The following SLC23A2 variants were observed in gnomAD, a reference collection of about 807,000 sequenced individuals.
The protein encoded by SLC23A2 is Na(+)/L-ascorbic acid transporter 2.
In SLC23A2, 36 loss-of-function variants were observed where a neutral mutation model predicts 73.3. That is an observed-to-expected ratio of 0.49 (90% CI 0.38 to 0.65). SLC23A2 has a LOEUF of 0.65. Ranked by LOEUF, SLC23A2 falls within the 30% of genes least tolerant of loss-of-function variation. The pLI is 0.00. For synonymous variants in SLC23A2, 343 were observed against 327.3 expected (o/e 1.05, Z -0.52); for missense variants, 507 against 841.6 (o/e 0.60, Z 4.92).
intron 2 of SLC23A2, among the ~76,000 whole-genome samples, chr20:4,950,162 T>G (rs1188866433): frequency 6.6e-6 from 1 of 152,200 alleles, no homozygotes; most frequent in African/African-American, 2.4e-5. Context: ...GATAGTCTAT[T>G]GTAGAAACCA....
chr20:5,002,967 G>C (rs1299655), upstream of SLC23A2, among the ~76,000 whole-genome samples: 106,198 of 152,120 alleles, frequency 0.7, 37,751 homozygotes, highest in Middle Eastern at 0.78. Context: ...ACTGAGACCT[G>C]TCTCAGATAT....
chr20:4,858,460 A>G (rs1929824120), intron 16 of SLC23A2, among the ~76,000 whole-genome samples: 1 of 152,180 alleles, frequency 6.6e-6, no homozygotes, highest in Admixed American at 6.5e-5. Flanking sequence ...TCTTAAATCC[A>G]GTGCCTTCCA....
chr20:5,003,326 G>C (rs2088153591), upstream of SLC23A2, among the ~76,000 whole-genome samples: 1 of 152,106 alleles, frequency 6.6e-6, no homozygotes, highest in Non-Finnish European at 1.5e-5. Flanking sequence ...GGAGCTTGCA[G>C]TGAGCCGAGA....
At chr20:4,912,731 G>T in intron 4 of SLC23A2, 149 bp downstream of exon 4, 1 of 578,732 alleles carries the variant, frequency 1.7e-6, no homozygotes, top group Non-Finnish European at 3.1e-6. Context: ...CTTCCCTTAT[G>T]AAGAGAACAC....
intron 13 of SLC23A2, among the ~76,000 whole-genome samples, chr20:4,866,446 C>T (rs1182900126): frequency 4.6e-5 from 7 of 152,188 alleles, no homozygotes. Context: ...CATTCTGTGC[C>T]CATGAGATCC....
intron 1 of SLC23A2, among the ~76,000 whole-genome samples, chr20:4,983,229 G>T (rs1012243505): frequency 6.6e-6 from 1 of 152,096 alleles, no homozygotes; most frequent in African/African-American, 2.4e-5. Flanking sequence ...AACTGAGAGG[G>T]GGTAAATCTT....
intron 2 of SLC23A2, among the ~76,000 whole-genome samples, chr20:4,948,163 C>T (rs565226776): frequency 2.0e-5 from 3 of 152,314 alleles, no homozygotes; most frequent in East Asian, 1.9e-4. Flanking sequence ...AGTAACTCAA[C>T]GGACTCACCA....
At chr20:4,875,927 A>G (rs1930637388) in intron 9 of SLC23A2, among the ~76,000 whole-genome samples, 1 of 152,172 alleles carries the variant, frequency 6.6e-6, no homozygotes, top group Non-Finnish European at 1.5e-5. Flanking sequence ...GTGTGACTCC[A>G]CTGTCACATT....
intron 1 of SLC23A2, among the ~76,000 whole-genome samples, chr20:4,991,972 T>G (rs1019054141): frequency 1.3e-5 from 2 of 152,070 alleles, no homozygotes; most frequent in Middle Eastern, 3.4e-3. Context: ...TAGCCAGGCG[T>G]GGTGGCACAT....
intron 16 of SLC23A2, among the ~76,000 whole-genome samples, chr20:4,858,169 T>C (rs535175513): frequency 6.6e-6 from 1 of 152,244 alleles, no homozygotes; most frequent in Admixed American, 6.5e-5. Flanking sequence ...TCTGGTGCTA[T>C]GGGGGACACA....
At chr20:4,992,764 C>G (rs552740337) in intron 1 of SLC23A2, among the ~76,000 whole-genome samples, 12 of 151,736 alleles carry the variant, frequency 7.9e-5, no homozygotes, top group African/African-American at 2.9e-4. Flanking sequence ...CCCACCTCGG[C>G]CTCCCAAAGT....
At chr20:4,884,949 A>G in intron 7 of SLC23A2, 126 bp from the exon 8 acceptor site, 2 of 572,138 alleles carry the variant, frequency 3.5e-6, no homozygotes, top group Middle Eastern at 3.5e-4. Context: ...CATCCCTAAA[A>G]TTCAACCTCC....
chr20:4,884,659 C>T lies in SLC23A2; in HGVS notation c.642+94G>A, dbSNP rs117854417. 184 of 800,682 alleles carry T rather than the reference C, an allele frequency of 2.3e-4. 1 individual carries two copies. The East Asian group carries it at 4.4e-3, about 19-fold the overall frequency. 49.6% of individuals were successfully genotyped at this position (800,682 alleles called of 1,614,324 possible). Reference sequence around the variant, plus strand: ...CAGTAATTGAAAAAGAAAAGAAGGGCTCAGTAAAAGTAACTGCTATTTCTT... The same window carrying T: ...CAGTAATTGAAAAAGAAAAGAAGGGTTCAGTAAAAGTAACTGCTATTTCTT... On this transcript the variant is annotated intron_variant, in intron 8 of 16. Transcript: ENST00000338244.
intron 2 of SLC23A2, among the ~76,000 whole-genome samples, chr20:4,953,064 T>G (rs1166313123): frequency 1.3e-5 from 2 of 150,750 alleles, no homozygotes; most frequent in Admixed American, 1.3e-4. Context: ...TCCCAGCACT[T>G]TGGGAGGCCG....
At position 4,998,225 on chromosome 20, in the gene SLC23A2, A is replaced by C. The variant is rs956145721; in HGVS notation, c.-282+3181T>G. Among the ~76,000 whole-genome samples the C allele has an allele frequency of 6.6e-6, 1 of 152,188 alleles. No homozygotes were observed. The highest frequency in any genetic ancestry group is 1.5e-5 in the Non-Finnish European group (1 of 68,036). On this transcript the variant is annotated intron_variant, in intron 1 of 16. Transcript: ENST00000338244. This position sits in a 1 kb window ranked among gnomAD's most constrained non-coding sequence, Gnocchi z 4.1. Reference sequence around the variant, plus strand: ...TTGTCAGATTCCTCTTCACAGAACCAGATCTCATTGTCCACATCCCTACAG... The same window carrying C: ...TTGTCAGATTCCTCTTCACAGAACCCGATCTCATTGTCCACATCCCTACAG...
rs1929688118 is a variant in SLC23A2, at chr20:4,855,667, A to AAGCCCGGCAAGCGGGAC, written c.*1288_*1304dup. On this transcript the variant is annotated 3_prime_UTR_variant, in exon 17 of 17. Coordinates refer to ENST00000338244, the MANE Select transcript of SLC23A2 (RefSeq NM_005116.6). ...CTCCTTAAGCCAAGACTTGCAACAGAAGCCCGGCAAGCGGGACAGACCGGC... is the reference window on the plus strand; with the variant it reads ...CTCCTTAAGCCAAGACTTGCAACAGAAGCCCGGCAAGCGGGACAGCCCGGCAAGCGGGACAGACCGGC... 6.6e-6 allele frequency: 1 copy of AAGCCCGGCAAGCGGGAC among 152,648 alleles called. No individual in the cohort carries two copies. The highest frequency in any genetic ancestry group is 2.1e-4 in the South Asian group (1 of 4,828). The allele number at this position is 152,648 out of a possible 1,614,324, so 9.5% of individuals were successfully genotyped here. A position where few individuals can be genotyped will look rare whatever the true frequency, so the allele number is the denominator to read the frequency against.
intron 3 of SLC23A2, among the ~76,000 whole-genome samples, chr20:4,918,377 GA>G (rs1932395733): frequency 2.0e-5 from 3 of 152,138 alleles, no homozygotes; most frequent in African/African-American, 7.2e-5. Context: ...GCTATGAAAG[GA>G]GGTTTTCTCT....
At position 4,868,340 on chromosome 20, in the gene SLC23A2, T is replaced by C. The variant is rs1057510482; in HGVS notation, c.1251-465A>G. ...CCGCCTGCCTCAGCCTCCCAAAATGTTGGGATTACAGGCGTGAGCCACTGT... is the reference window on the plus strand; with the variant it reads ...CCGCCTGCCTCAGCCTCCCAAAATGCTGGGATTACAGGCGTGAGCCACTGT... On this transcript the variant is annotated intron_variant, in intron 12 of 16. Transcript: ENST00000338244. This position sits in a 1 kb window ranked among gnomAD's most constrained non-coding sequence, Gnocchi z 4.4. Among the ~76,000 whole-genome samples the C allele has an allele frequency of 6.6e-6, 1 of 152,138 alleles. No individual in the cohort carries two copies. The highest frequency in any genetic ancestry group is 2.4e-5 in the African/African-American group (1 of 41,436).
chr20:4,912,127 G>A (rs11905445), intron 4 of SLC23A2, among the ~76,000 whole-genome samples: 1 of 151,290 alleles, frequency 6.6e-6, no homozygotes, highest in Non-Finnish European at 1.5e-5. Context: ...TTATAGGTGT[G>A]AGCCACTGAG....
Sources: gnomAD v4.1 joint callset for allele counts (sites outside exome capture counted in the v4.1 genomes callset) on GRCh38, gnomAD v4.1.1 for gene constraint, Gnocchi (gnomAD v3.1) non-coding constraint, MANE v1.5 for transcripts, NCBI Gene and HGNC (gene_info 2026-07-23, HGNC 2026-07-21) for gene names.